The following MARCHF11 variants were observed in gnomAD, a reference collection of about 807,000 sequenced individuals.
MARCHF11 encodes E3 ubiquitin-protein ligase MARCHF11.
A neutral mutation model predicts 37.3 loss-of-function variants in MARCHF11; 29 were observed. The observed-to-expected ratio is 0.78, with a 90% CI of 0.58 to 1.06. The LOEUF is 1.06. Among genes scored for constraint, MARCHF11 ranks in the 50% least tolerant of loss-of-function variants. MARCHF11 has a pLI of 0.00. For synonymous variants in MARCHF11, 233 were observed against 228.0 expected (o/e 1.02, Z -0.20); for missense variants, 482 against 533.4 (o/e 0.90, Z 0.95).
chr5:16,088,886 C>T (rs1368725541), intron 3 of MARCHF11, among the ~76,000 whole-genome samples: 2 of 152,196 alleles, frequency 1.3e-5, no homozygotes, highest in East Asian at 3.9e-4. Context: ...AAAATGGCAA[C>T]TGTTTTTGTT....
intron 2 of MARCHF11, among the ~76,000 whole-genome samples, chr5:16,143,085 A>C (rs965345859): frequency 1.3e-5 from 2 of 151,724 alleles, no homozygotes; most frequent in African/African-American, 4.8e-5. Flanking sequence ...TCAGATCTTA[A>C]ACAGGGCAGA....
chr5:16,165,845 T>C (rs1383418379), intron 2 of MARCHF11, among the ~76,000 whole-genome samples: 1 of 152,104 alleles, frequency 6.6e-6, no homozygotes, highest in Non-Finnish European at 1.5e-5. Flanking sequence ...ATTACCAATC[T>C]ACTCTTTGGA....
At chr5:16,134,321 G>A (rs534391088) in intron 2 of MARCHF11, among the ~76,000 whole-genome samples, 1 of 152,154 alleles carries the variant, frequency 6.6e-6, no homozygotes, top group Non-Finnish European at 1.5e-5. Flanking sequence ...AGGTCATGAG[G>A]GTTCCACCCT....
At chr5:16,140,576 A>T (rs1213315773) in intron 2 of MARCHF11, among the ~76,000 whole-genome samples, 3 of 152,308 alleles carry the variant, frequency 2.0e-5, no homozygotes, top group South Asian at 2.1e-4. Context: ...TACATATGGA[A>T]AAGGAAGGAA....
intron 3 of MARCHF11, among the ~76,000 whole-genome samples, chr5:16,078,484 T>C (rs1219537190): frequency 1.3e-5 from 2 of 152,320 alleles, no homozygotes; most frequent in South Asian, 2.1e-4. Context: ...CGTGTGGTTC[T>C]CGATGGCCCA....
At chr5:16,121,930 A>C (rs2126577643) in intron 2 of MARCHF11, among the ~76,000 whole-genome samples, 1 of 152,294 alleles carries the variant, frequency 6.6e-6, no homozygotes, top group Non-Finnish European at 1.5e-5. Flanking sequence ...GTACTAGTCT[A>C]TGTACAATAC....
intron 2 of MARCHF11, among the ~76,000 whole-genome samples, chr5:16,097,178 T>C (rs898456487): frequency 2.6e-5 from 4 of 152,178 alleles, no homozygotes; most frequent in African/African-American, 7.2e-5. Flanking sequence ...GTGTACAAAT[T>C]GCAACACTAA....
chr5:16,085,366 G>A (rs1018182545), intron 3 of MARCHF11, among the ~76,000 whole-genome samples: 1 of 152,056 alleles, frequency 6.6e-6, no homozygotes, highest in Non-Finnish European at 1.5e-5. Context: ...AAAACATCAG[G>A]CAGGATGTGC....
intron 2 of MARCHF11, among the ~76,000 whole-genome samples, chr5:16,117,354 T>C (rs1454964616): frequency 6.6e-6 from 1 of 152,250 alleles, no homozygotes; most frequent in Non-Finnish European, 1.5e-5. Context: ...ATGTTTTCAC[T>C]AACCTTTTAC....
intron 3 of MARCHF11, among the ~76,000 whole-genome samples, chr5:16,084,285 T>C (rs1034239394): frequency 2.6e-5 from 4 of 152,198 alleles, no homozygotes; most frequent in African/African-American, 9.6e-5. Context: ...CCAAAGTAGC[T>C]CTAGCTAGAT....
intron 2 of MARCHF11, among the ~76,000 whole-genome samples, chr5:16,147,177 T>C (rs915154094): frequency 6.6e-6 from 1 of 152,162 alleles, no homozygotes; most frequent in Non-Finnish European, 1.5e-5. Context: ...GGTGAATCTG[T>C]AGAGAGTTCC....
At chr5:16,165,909 A>G (rs1164095620) in intron 2 of MARCHF11, among the ~76,000 whole-genome samples, 1 of 152,064 alleles carries the variant, frequency 6.6e-6, no homozygotes, top group Non-Finnish European at 1.5e-5. Flanking sequence ...CCTGGAGGGG[A>G]GATTATATAC....
At chr5:16,122,168 A>T (rs1429609282) in intron 2 of MARCHF11, among the ~76,000 whole-genome samples, 1 of 152,082 alleles carries the variant, frequency 6.6e-6, no homozygotes, top group African/African-American at 2.4e-5. Flanking sequence ...CAATCACCCA[A>T]TGCCTTATTC....
intron 2 of MARCHF11, among the ~76,000 whole-genome samples, chr5:16,133,933 G>A (rs989349215): frequency 1.3e-5 from 2 of 152,040 alleles, no homozygotes; most frequent in Non-Finnish European, 2.9e-5. Context: ...CGTCCTTAAG[G>A]GAAATAATCA....
At chr5:16,088,484 G>A (rs901799555) in intron 3 of MARCHF11, among the ~76,000 whole-genome samples, 8 of 152,116 alleles carry the variant, frequency 5.3e-5, no homozygotes, top group South Asian at 2.1e-4. Context: ...TCTTCCAGTC[G>A]GGAGTATTTA....
intron 2 of MARCHF11, among the ~76,000 whole-genome samples, chr5:16,101,991 G>C (rs1292803755): frequency 6.6e-6 from 1 of 152,210 alleles, no homozygotes; most frequent in Non-Finnish European, 1.5e-5. Flanking sequence ...ACTATGTTGG[G>C]ACAAGCAGAG....
chr5:16,090,843 A>C, intron 3 of MARCHF11, 46 bp downstream of exon 3: 1 of 1,369,408 alleles, frequency 7.3e-7, no homozygotes, highest in South Asian at 1.8e-5. Context: ...TCGCTGAAAG[A>C]AATGGATTAC....
At chr5:16,079,751 C>A (rs1736576172) in intron 3 of MARCHF11, among the ~76,000 whole-genome samples, 1 of 152,210 alleles carries the variant, frequency 6.6e-6, no homozygotes, top group African/African-American at 2.4e-5. Context: ...GATGGCCACA[C>A]TACCTACTTA....
intron 2 of MARCHF11, among the ~76,000 whole-genome samples, chr5:16,091,629 T>C (rs1736792197): frequency 6.6e-6 from 1 of 152,350 alleles, no homozygotes; most frequent in East Asian, 1.9e-4. Context: ...TTATCTGTTA[T>C]TGGTACATTC....
Sources: allele counts gnomAD v4.1 joint callset (sites outside exome capture counted in the v4.1 genomes callset), GRCh38; gene constraint gnomAD v4.1.1; transcripts MANE v1.5; gene names NCBI Gene and HGNC (gene_info 2026-07-23, HGNC 2026-07-21).